The following CA8 variants were observed in gnomAD, a reference collection of about 807,000 sequenced individuals.
The protein encoded by CA8 is carbonic anhydrase 8 (inactive), also known as carbonic anhydrase-related protein.
In CA8, 22 loss-of-function variants were observed where a neutral mutation model predicts 41.4. The ratio of observed to expected loss-of-function variants is 0.53; its 90% CI spans 0.38 to 0.76. CA8 has a LOEUF of 0.76. Ranked by LOEUF, CA8 falls within the 30% of genes least tolerant of loss-of-function variation. The pLI, the probability that CA8 is intolerant of heterozygous loss-of-function variation, is 0.00. For synonymous variants in CA8, 121 were observed against 130.6 expected (o/e 0.93, Z 0.50); for missense variants, 270 against 352.8 (o/e 0.77, Z 1.88).
chr8:60,198,481 T>C (rs1217881312), intron 8 of CA8, among the ~76,000 whole-genome samples: 1 of 152,178 alleles, frequency 6.6e-6, no homozygotes, highest in African/African-American at 2.4e-5. Flanking sequence ...TAAACCTGTG[T>C]TAGGATACTT....
At chr8:60,259,705 G>C (rs1017178410) in intron 3 of CA8, among the ~76,000 whole-genome samples, 1 of 149,582 alleles carries the variant, frequency 6.7e-6, no homozygotes, top group Non-Finnish European at 1.5e-5. Context: ...AAATGCAAGT[G>C]TTCATTAGAA....
chr8:60,192,260 G>A (rs1365191834), intron 8 of CA8, among the ~76,000 whole-genome samples: 1 of 152,092 alleles, frequency 6.6e-6, no homozygotes, highest in Non-Finnish European at 1.5e-5. Flanking sequence ...GGAGAACCAA[G>A]TCCAAATCCC....
intron 3 of CA8, among the ~76,000 whole-genome samples, chr8:60,232,985 A>G (rs1807711581): frequency 6.6e-6 from 1 of 152,236 alleles, no homozygotes; most frequent in African/African-American, 2.4e-5. Flanking sequence ...TGAAGAAATG[A>G]CAAACAATGC....
intron 6 of CA8, among the ~76,000 whole-genome samples, chr8:60,223,930 T>C (rs150791892): frequency 1.3e-5 from 2 of 152,346 alleles, no homozygotes; most frequent in East Asian, 1.9e-4. Flanking sequence ...TGTATAATTG[T>C]TATCTGTACA....
chr8:60,206,387 T>A (rs889958498), intron 8 of CA8, among the ~76,000 whole-genome samples: 1 of 152,012 alleles, frequency 6.6e-6, no homozygotes, highest in Non-Finnish European at 1.5e-5. Flanking sequence ...GAGAAAATAA[T>A]AATAGTCATT....
chr8:60,193,249 AGAAGT>A (rs759200152), intron 8 of CA8, among the ~76,000 whole-genome samples: 6 of 152,128 alleles, frequency 3.9e-5, no homozygotes, highest in Non-Finnish European at 7.4e-5. Context: ...TCTCCTCTCA[AGAAGT>A]GAAGATATAT....
intron 7 of CA8, among the ~76,000 whole-genome samples, chr8:60,219,929 T>TAAAAAAAAAAAAAAA (rs546162939): frequency 4.1e-4 from 34 of 82,004 alleles, no homozygotes; most frequent in East Asian, 8.7e-4. Flanking sequence ...AATCTTAACT[T>TAAAAAAAAAAAAAAA]AAAAAAAAAA....
intron 3 of CA8, among the ~76,000 whole-genome samples, chr8:60,242,690 A>G (rs1808075659): frequency 6.6e-6 from 1 of 152,188 alleles, no homozygotes; most frequent in Non-Finnish European, 1.5e-5. Flanking sequence ...CTCCTTTGTA[A>G]AAGGGAGACC....
intron 2 of CA8, among the ~76,000 whole-genome samples, chr8:60,274,090 G>C (rs529762276): frequency 5.3e-5 from 8 of 152,048 alleles, no homozygotes; most frequent in Non-Finnish European, 1.0e-4. Context: ...GGAGGGCTGA[G>C]GTTTTAGCAC....
intron 7 of CA8, among the ~76,000 whole-genome samples, chr8:60,221,695 AGGGTAT>A (rs1807257030): frequency 6.6e-6 from 1 of 152,246 alleles, no homozygotes; most frequent in South Asian, 2.1e-4. Context: ...AAAATAATGA[AGGGTAT>A]GGGGAGGAGA....
chr8:60,202,962 G>A (rs1253187001), intron 8 of CA8, among the ~76,000 whole-genome samples: 1 of 152,054 alleles, frequency 6.6e-6, no homozygotes, highest in Non-Finnish European at 1.5e-5. Context: ...CTACTACGTA[G>A]ACATTTATAG....
chr8:60,190,639 T>C (rs1463871847), intron 8 of CA8, among the ~76,000 whole-genome samples: 1 of 150,074 alleles, frequency 6.7e-6, no homozygotes, highest in Non-Finnish European at 1.5e-5. Flanking sequence ...CTAAGGTAGG[T>C]AATAAATCTC....
chr8:60,219,929 T>TA (rs546162939), intron 7 of CA8, among the ~76,000 whole-genome samples: 28,994 of 80,538 alleles, frequency 0.36, 5,057 homozygotes, highest in Non-Finnish European at 0.37. Context: ...AATCTTAACT[T>TA]AAAAAAAAAA....
chr8:60,268,077 A>C (rs564466437), intron 2 of CA8, among the ~76,000 whole-genome samples: 1 of 152,308 alleles, frequency 6.6e-6, no homozygotes, highest in East Asian at 1.9e-4. Flanking sequence ...GAGAAAGAGA[A>C]AATACACCCC....
intron 3 of CA8, among the ~76,000 whole-genome samples, chr8:60,241,544 A>G (rs1194669741): frequency 2.6e-5 from 4 of 152,204 alleles, no homozygotes; most frequent in Non-Finnish European, 5.9e-5. Context: ...TTATAACACC[A>G]TTGGACTCTT....
intron 2 of CA8, among the ~76,000 whole-genome samples, chr8:60,272,211 G>A (rs1452462807): frequency 2.6e-5 from 4 of 152,026 alleles, no homozygotes; most frequent in African/African-American, 7.2e-5. Context: ...AGATTGCATC[G>A]CAGAGATCAC....
chr8:60,256,315 A>C (rs1185696656), intron 3 of CA8, among the ~76,000 whole-genome samples: 1 of 152,200 alleles, frequency 6.6e-6, no homozygotes, highest in African/African-American at 2.4e-5. Context: ...GTCAGAAAAC[A>C]AATGTCATTG....
rs1805941460 is a variant in CA8 at position 60,185,569 on chromosome 8, T to A, written c.*4452A>T. 6.6e-6 allele frequency among the ~76,000 whole-genome samples: 1 copy of A among 152,170 alleles called. No individual in the cohort carries two copies. Among genetic ancestry groups the A allele is most frequent in the Non-Finnish European group, 1.5e-5 (1 of 68,012 alleles). Reference sequence around the variant, plus strand: ...GGGCAGGGGGGAAACCATTTGTTTTTGAAAGCAGAAACAGAAAAACGATTT... The same window carrying A: ...GGGCAGGGGGGAAACCATTTGTTTTAGAAAGCAGAAACAGAAAAACGATTT... On this transcript the variant is annotated 3_prime_UTR_variant, in exon 9 of 9. Transcript: ENST00000317995.
In CA8 at chr8:60,236,802, A is replaced by G. The variant is rs1240374001; in HGVS notation, c.418-4423T>C. Among the ~76,000 whole-genome samples, 3 of 152,242 alleles carry G rather than the reference A, an allele frequency of 2.0e-5. No homozygotes were observed. The East Asian group carries it at 5.8e-4, about 29-fold the overall frequency. On this transcript the variant is annotated intron_variant, in intron 3 of 8. Transcript: ENST00000317995. ...GAATATAATTTATTAACAAATACAT[A>G]TATTATGGATACACGCTCCAAAGTT...
Sources: gnomAD v4.1 joint callset for allele counts (sites outside exome capture counted in the v4.1 genomes callset) on GRCh38, gnomAD v4.1.1 for gene constraint, MANE v1.5 for transcripts, NCBI Gene and HGNC (gene_info 2026-07-23, HGNC 2026-07-21) for gene names.